The following ANO1 variants were observed in gnomAD, a reference collection of about 807,000 sequenced individuals.
ANO1 encodes the protein anoctamin 1, also known as anoctamin-1.
In ANO1, 59 loss-of-function variants were observed where a neutral mutation model predicts 124.0. The observed-to-expected ratio is 0.48, with a 90% CI of 0.39 to 0.59. ANO1 has a LOEUF of 0.59. Among genes scored for constraint, ANO1 ranks in the 20% least tolerant of loss-of-function variants. The pLI, the probability that ANO1 is intolerant of heterozygous loss-of-function variation, is 0.00. For synonymous variants in ANO1, 529 were observed against 532.0 expected (o/e 0.99, Z 0.08); for missense variants, 1,059 against 1,328.0 (o/e 0.80, Z 3.15).
At chr11:70,127,204 G>A (rs905279018) in intron 10 of ANO1, among the ~76,000 whole-genome samples, 4 of 151,986 alleles carry the variant, frequency 2.6e-5, no homozygotes, top group South Asian at 2.1e-4. Flanking sequence ...TAGAGGCCTC[G>A]GTGCAGGCTG....
the ANO1 span, among the ~76,000 whole-genome samples, chr11:69,975,746 T>C: frequency 6.6e-6 from 1 of 152,230 alleles, no homozygotes; most frequent in Non-Finnish European, 1.5e-5. Context: ...AAACCAGAGC[T>C]CACCAGCCAG....
chr11:70,097,316 G>A (rs543456873), intron 2 of ANO1, among the ~76,000 whole-genome samples: 5 of 152,250 alleles, frequency 3.3e-5, no homozygotes, highest in South Asian at 4.1e-4. Flanking sequence ...TGGAGACTGC[G>A]TCAGGATAAT....
chr11:70,104,785 G>A (rs2045431747), intron 4 of ANO1, among the ~76,000 whole-genome samples: 2 of 152,112 alleles, frequency 1.3e-5, no homozygotes, highest in Non-Finnish European at 2.9e-5. Flanking sequence ...ACTTTGGATG[G>A]AAGCTCTGGC....
chr11:70,131,846 G>A, intron 10 of ANO1, 73 bp from the exon 11 acceptor site: 2 of 1,517,994 alleles, frequency 1.3e-6, no homozygotes, highest in Non-Finnish European at 1.8e-6. Context: ...TTTCTCCCAG[G>A]CCAGCTCGGC....
intron 1 of ANO1, among the ~76,000 whole-genome samples, chr11:70,049,159 GC>G (rs1335129671): frequency 6.6e-6 from 1 of 152,144 alleles, no homozygotes; most frequent in East Asian, 1.9e-4. Context: ...ACCTCAGCAG[GC>G]TAAACCATGA....
chr11:69,970,055 G>C, the ANO1 span, among the ~76,000 whole-genome samples: 8 of 152,216 alleles, frequency 5.3e-5, no homozygotes, highest in African/African-American at 1.9e-4. Context: ...CGGTGTGAGA[G>C]GGGAATTGCC....
intron 11 of ANO1, among the ~76,000 whole-genome samples, chr11:70,144,118 C>G (rs960389853): frequency 6.6e-6 from 1 of 152,014 alleles, no homozygotes; most frequent in Non-Finnish European, 1.5e-5. Context: ...TAAAAATTTA[C>G]CATAAATATT....
chr11:70,128,299 T>C (rs978789893), intron 10 of ANO1, among the ~76,000 whole-genome samples: 33 of 152,232 alleles, frequency 2.2e-4, no homozygotes, highest in African/African-American at 7.7e-4. Flanking sequence ...GGTTTGGTTG[T>C]GGTAAAGATC....
chr11:70,003,062 TAGAA>T (rs782360687), intron 1 of ANO1, among the ~76,000 whole-genome samples: 1 of 151,682 alleles, frequency 6.6e-6, no homozygotes, highest in African/African-American at 2.4e-5. Context: ...GTAAACAAAA[TAGAA>T]AGAAAAATAT....
At chr11:70,169,411 G>A (rs1297442556) in intron 21 of ANO1, among the ~76,000 whole-genome samples, 1 of 152,000 alleles carries the variant, frequency 6.6e-6, no homozygotes, top group African/African-American at 2.4e-5. Flanking sequence ...GTGGATAGAT[G>A]GGGAGAACAA....
intron 6 of ANO1, among the ~76,000 whole-genome samples, chr11:70,110,709 G>A (rs941678358): frequency 1.3e-5 from 2 of 152,126 alleles, no homozygotes; most frequent in East Asian, 1.9e-4. Flanking sequence ...AAAACTTAAC[G>A]CTCTTACTGC....
At chr11:70,185,517 G>C in intron 24 of ANO1, 73 bp from the exon 25 acceptor site, 1 of 1,425,406 alleles carries the variant, frequency 7.0e-7, no homozygotes, top group African/African-American at 1.4e-5. Context: ...GGCGTCCCTC[G>C]AGCTGCCTGA....
intron 11 of ANO1, among the ~76,000 whole-genome samples, chr11:70,140,525 C>T (rs1306104831): frequency 6.6e-6 from 1 of 151,168 alleles, no homozygotes; most frequent in Non-Finnish European, 1.5e-5. Context: ...GAGCAAGACT[C>T]TGTCTCAAGG....
At chr11:70,076,650 T>C (rs1332828255), upstream of ANO1, among the ~76,000 whole-genome samples, 1 of 152,226 alleles carries the variant, frequency 6.6e-6, no homozygotes, top group African/African-American at 2.4e-5. Context: ...TGTGGAGCAC[T>C]GTTCCTGGCA....
intron 1 of ANO1, among the ~76,000 whole-genome samples, chr11:70,027,450 G>A (rs1042939578): frequency 3.3e-5 from 5 of 152,190 alleles, no homozygotes; most frequent in South Asian, 2.1e-4. Context: ...AAGGTGTCTC[G>A]CTTTCGTGCT....
intron 11 of ANO1, 128 bp from the exon 12 acceptor site, chr11:70,149,582 C>G: frequency 2.1e-6 from 2 of 940,012 alleles, no homozygotes; most frequent in South Asian, 3.2e-5. Flanking sequence ...ACCCAGGAGG[C>G]GAGATTGCAG....
Position 70,131,908 on chromosome 11 carries a change from C to A in ANO1, c.1098-11C>A, listed in dbSNP as rs765795523. 1 of 1,601,508 alleles carries A rather than the reference C, an allele frequency of 6.2e-7. No individual in the cohort carries two copies. Among genetic ancestry groups the A allele is most frequent in the East Asian group, 2.2e-5 (1 of 44,790 alleles). On this transcript the variant is annotated splice_polypyrimidine_tract_variant and intron_variant, in intron 10 of 25. Coordinates refer to ENST00000355303, the MANE Select transcript of ANO1 (RefSeq NM_018043.7). ...AACAAGGTGACTCCAGGGCTGCCCC[C>A]TCTCTTGCAGCATGGAGATGTGTGA... is the stretch of plus-strand genomic sequence containing the variant.
intron 1 of ANO1, chr11:70,063,766 G>C (rs1159945004): frequency 1.3e-5 from 2 of 152,274 alleles, no homozygotes; most frequent in Non-Finnish European, 2.9e-5. Context: ...TGACATGAAG[G>C]GACACGCCTC....
At chr11:70,098,774 G>A (rs1292354714) in intron 2 of ANO1, among the ~76,000 whole-genome samples, 5 of 152,192 alleles carry the variant, frequency 3.3e-5, no homozygotes, top group Non-Finnish European at 7.4e-5. Context: ...GCCACCGCGT[G>A]GACTGAGGGT....
Sources: allele counts gnomAD v4.1 joint callset (sites outside exome capture counted in the v4.1 genomes callset), GRCh38; gene constraint gnomAD v4.1.1; transcripts MANE v1.5; gene names NCBI Gene and HGNC (gene_info 2026-07-23, HGNC 2026-07-21).